SORCS2: variants seen among roughly 807,000 people sequenced by gnomAD.
SORCS2 encodes sortilin related VPS10 domain containing receptor 2.
A neutral mutation model predicts 141.6 loss-of-function variants in SORCS2; 100 were observed. That is an observed-to-expected ratio of 0.71 (90% CI 0.60 to 0.83). The LOEUF is 0.83. Ranked by LOEUF, SORCS2 falls within the 40% of genes least tolerant of loss-of-function variation. SORCS2 has a pLI of 0.00. For missense variants in SORCS2, 1,646 were observed against 1,560.2 expected (o/e 1.05, Z -0.93); for synonymous variants, 789 against 676.9 (o/e 1.17, Z -2.57).
At chr4:7,498,498 G>A (rs1731767828) in intron 2 of SORCS2, among the ~76,000 whole-genome samples, 1 of 152,222 alleles carries the variant, frequency 6.6e-6, no homozygotes, top group African/African-American at 2.4e-5. Context: ...ACAAAATTGA[G>A]ACCCATGTAC....
chr4:7,589,051 C>T (rs1032431413), intron 3 of SORCS2, among the ~76,000 whole-genome samples: 5 of 152,178 alleles, frequency 3.3e-5, no homozygotes, highest in African/African-American at 9.7e-5. Context: ...ACTGGGGACA[C>T]AGTGAGCTGC....
intron 3 of SORCS2, among the ~76,000 whole-genome samples, chr4:7,539,148 C>T (rs750349176): frequency 6.6e-6 from 1 of 152,156 alleles, no homozygotes; most frequent in South Asian, 2.1e-4. Flanking sequence ...CCTGTCACCA[C>T]CCCCCAAAGC....
At chr4:7,622,502 C>A (rs1348635739) in intron 3 of SORCS2, among the ~76,000 whole-genome samples, 1 of 152,202 alleles carries the variant, frequency 6.6e-6, no homozygotes, top group African/African-American at 2.4e-5. Flanking sequence ...GTCCAGCCGG[C>A]CCCTCTGCTG....
At chr4:7,738,780 C>T (rs893387665) in intron 26 of SORCS2, among the ~76,000 whole-genome samples, 1 of 152,172 alleles carries the variant, frequency 6.6e-6, no homozygotes, top group African/African-American at 2.4e-5. Context: ...TCACCCCGGC[C>T]AGCCAGACCC....
At chr4:7,644,642 G>T (rs1328257340) in intron 4 of SORCS2, among the ~76,000 whole-genome samples, 1 of 152,138 alleles carries the variant, frequency 6.6e-6, no homozygotes, top group Non-Finnish European at 1.5e-5. Flanking sequence ...TAAGAGTCCA[G>T]GGCAGACTCG....
intron 8 of SORCS2, among the ~76,000 whole-genome samples, chr4:7,674,668 T>A (rs1479534191): frequency 6.8e-6 from 1 of 147,254 alleles, no homozygotes; most frequent in Admixed American, 6.8e-5. Context: ...GGCAGGGCAG[T>A]GAGGGGAAGG....
intron 1 of SORCS2, among the ~76,000 whole-genome samples, chr4:7,355,574 C>G (rs1333053533): frequency 2.0e-5 from 3 of 152,104 alleles, no homozygotes; most frequent in Non-Finnish European, 2.9e-5. Flanking sequence ...GCCTCAGAGT[C>G]CTTCACTTCT....
intron 3 of SORCS2, among the ~76,000 whole-genome samples, chr4:7,617,547 G>C (rs1039840714): frequency 3.3e-5 from 5 of 152,316 alleles, no homozygotes; most frequent in African/African-American, 1.2e-4. Context: ...CTGACGTAGA[G>C]TAAGTTCTAA....
chr4:7,738,131 G>C (rs1181228432), intron 26 of SORCS2, among the ~76,000 whole-genome samples: 3 of 152,248 alleles, frequency 2.0e-5, no homozygotes, highest in Admixed American at 6.5e-5. Context: ...CTCAGCCGCA[G>C]TCAGAGCATG....
chr4:7,480,594 C>A (rs1316167593), intron 2 of SORCS2, among the ~76,000 whole-genome samples: 1 of 152,240 alleles, frequency 6.6e-6, no homozygotes, highest in Non-Finnish European at 1.5e-5. Flanking sequence ...CTGTTGGCCT[C>A]AACAGAGTGA....
intron 2 of SORCS2, among the ~76,000 whole-genome samples, chr4:7,401,391 A>G (rs1229720466): frequency 6.6e-6 from 1 of 152,130 alleles, no homozygotes; most frequent in African/African-American, 2.4e-5. Flanking sequence ...GAAAGGATGG[A>G]TGGTGATGTG....
chr4:7,456,655 GTCAAGAGCAAACCC>G (rs1473699085), intron 2 of SORCS2, among the ~76,000 whole-genome samples: 1 of 152,194 alleles, frequency 6.6e-6, no homozygotes, highest in African/African-American at 2.4e-5. Flanking sequence ...GGAAGGGGCT[GTCAAGAGCAAACCC>G]TTGGATTTTT....
At chr4:7,633,323 G>A (rs934901011) in intron 3 of SORCS2, among the ~76,000 whole-genome samples, 3 of 152,110 alleles carry the variant, frequency 2.0e-5, no homozygotes, top group African/African-American at 4.8e-5. Context: ...GACGAGAGGC[G>A]GAGCAGGGAC....
In SORCS2 at chr4:7,240,864, G is replaced by T. The variant is rs189158039; in HGVS notation, c.480+47738G>T. ...TTTACACCCCGGTCGACCTTCATTT[G>T]CAGTTGCCAGATAAAACATAGGATT... On this transcript the variant is annotated intron_variant, in intron 1 of 26. Transcript: ENST00000507866. Among the ~76,000 whole-genome samples the T allele has an allele frequency of 5.7e-3, 861 of 152,322 alleles. 8 individuals carry two copies. The highest frequency in any genetic ancestry group is 0.019 in the African/African-American group (807 of 41,566).
At chr4:7,535,051 G>T (rs1022452899) in intron 3 of SORCS2, among the ~76,000 whole-genome samples, 1 of 152,184 alleles carries the variant, frequency 6.6e-6, no homozygotes, top group East Asian at 1.9e-4. Flanking sequence ...CTGACACACC[G>T]ATCCTGATTC....
chr4:7,706,981 C>G (rs1253358903), intron 14 of SORCS2, among the ~76,000 whole-genome samples: 1 of 152,194 alleles, frequency 6.6e-6, no homozygotes, highest in Non-Finnish European at 1.5e-5. Flanking sequence ...CCCCACCCAC[C>G]CTCAACCAGC....
At chr4:7,668,690 T>C (rs1722636813) in intron 8 of SORCS2, among the ~76,000 whole-genome samples, 1 of 152,136 alleles carries the variant, frequency 6.6e-6, no homozygotes, top group African/African-American at 2.4e-5. Context: ...AACTCCAGGC[T>C]TGGCTGAGTA....
At chr4:7,284,980 G>A (rs1477659250) in intron 1 of SORCS2, among the ~76,000 whole-genome samples, 1 of 151,404 alleles carries the variant, frequency 6.6e-6, no homozygotes, top group Non-Finnish European at 1.5e-5. Flanking sequence ...CAGGACACCT[G>A]TCATTGGATT....
chr4:7,558,972 G>C (rs902331546), intron 3 of SORCS2, among the ~76,000 whole-genome samples: 2 of 152,130 alleles, frequency 1.3e-5, no homozygotes, highest in African/African-American at 4.8e-5. Context: ...TGCCCTGCCC[G>C]ATGTCCCTCC....
Sources: allele counts gnomAD v4.1 joint callset (sites outside exome capture counted in the v4.1 genomes callset), GRCh38; gene constraint gnomAD v4.1.1; transcripts MANE v1.5; gene names NCBI Gene and HGNC (gene_info 2026-07-23, HGNC 2026-07-21).